The following CTNNA2 variants were observed in gnomAD, a reference collection of about 807,000 sequenced individuals.
CTNNA2 encodes catenin alpha-2.
In CTNNA2, 42 loss-of-function variants were observed where a neutral mutation model predicts 101.0. The observed-to-expected ratio is 0.42, with a 90% confidence interval of 0.32 to 0.54. The LOEUF (loss-of-function observed/expected upper bound fraction) is 0.54, where lower values mean the gene tolerates loss of function less well. Ranked by LOEUF, CTNNA2 falls within the 20% of genes least tolerant of loss-of-function variation. CTNNA2 has a pLI of 0.14. For synonymous variants in CTNNA2, 450 were observed against 456.4 expected (o/e 0.99, Z 0.18); for missense variants, 871 against 1,223.1 (o/e 0.71, Z 4.29).
intron 9 of CTNNA2, among the ~76,000 whole-genome samples, chr2:80,421,520 C>T (rs992213455): frequency 1.3e-5 from 2 of 152,210 alleles, no homozygotes; most frequent in Non-Finnish European, 2.9e-5. Flanking sequence ...CATCCACCCT[C>T]TCCCCTTATT....
intron 4 of CTNNA2, among the ~76,000 whole-genome samples, chr2:79,466,082 C>A (rs560848008): frequency 2.6e-5 from 4 of 152,160 alleles, no homozygotes; most frequent in Non-Finnish European, 4.4e-5. Flanking sequence ...CGAAGCAGGG[C>A]GAGGCATCGC....
chr2:80,552,083 A>G (rs556558945), intron 11 of CTNNA2, among the ~76,000 whole-genome samples: 21 of 152,290 alleles, frequency 1.4e-4, no homozygotes, highest in African/African-American at 5.1e-4. Context: ...AGCAGGCGGA[A>G]CACGCCCGAC....
chr2:79,232,679 T>C (rs1168248135), intron 2 of CTNNA2, among the ~76,000 whole-genome samples: 1 of 152,220 alleles, frequency 6.6e-6, no homozygotes. Context: ...GGGCTCCTTT[T>C]GGTTGGTAAG....
chr2:79,550,894 C>T (rs1327404108), intron 1 of CTNNA2, among the ~76,000 whole-genome samples: 1 of 152,160 alleles, frequency 6.6e-6, no homozygotes, highest in East Asian at 1.9e-4. Context: ...CTGTGCCCTT[C>T]CCACTATATC....
intron 7 of CTNNA2, among the ~76,000 whole-genome samples, chr2:80,009,125 A>G (rs423412): frequency 0.56 from 84,540 of 152,068 alleles, 25,797 homozygotes; most frequent in East Asian, 0.76. Context: ...AAAGGCAGGG[A>G]ACATCCCATG....
At chr2:79,646,674 A>G (rs1324510845) in intron 1 of CTNNA2, among the ~76,000 whole-genome samples, 2 of 151,492 alleles carry the variant, frequency 1.3e-5, no homozygotes, top group Non-Finnish European at 2.9e-5. Context: ...GGACTACAAT[A>G]TTGTGCCACC....
chr2:79,535,282 G>A (rs955531422), intron 1 of CTNNA2, among the ~76,000 whole-genome samples: 1 of 151,818 alleles, frequency 6.6e-6, no homozygotes, highest in Admixed American at 6.6e-5. Context: ...TTGGCTCACT[G>A]CAACCTCTGC....
chr2:80,137,922 A>G (rs982751304), intron 7 of CTNNA2, among the ~76,000 whole-genome samples: 1 of 152,128 alleles, frequency 6.6e-6, no homozygotes, highest in Non-Finnish European at 1.5e-5. Context: ...CCACCCCAGC[A>G]TGGCTTCATA....
chr2:79,628,838 G>T (rs755562493), intron 1 of CTNNA2, among the ~76,000 whole-genome samples: 2 of 152,116 alleles, frequency 1.3e-5, no homozygotes, highest in African/African-American at 2.4e-5. Context: ...CAGAAGCTTT[G>T]TCCTCTTTCC....
intron 2 of CTNNA2, among the ~76,000 whole-genome samples, chr2:79,303,932 G>A (rs753298261): frequency 3.9e-5 from 6 of 152,044 alleles, no homozygotes; most frequent in Non-Finnish European, 7.4e-5. Flanking sequence ...GAGATCCAGA[G>A]CATTACCCAT....
chr2:79,866,244 A>G lies in CTNNA2; in HGVS notation c.466-3572A>G, dbSNP rs1682088948. Among the ~76,000 whole-genome samples the G allele has an allele frequency of 3.3e-5, 5 of 152,360 alleles. 1 individual carries two copies. In the South Asian group the frequency reaches 1.0e-3, roughly 32 times the overall value. The stretch of plus-strand genomic sequence containing the variant: ...TGAAAAGAATTTCTTAACCCACTAA[A>G]TTGGGAATAAATTTTAGTGTCTTCT... On this transcript the variant is annotated intron_variant, in intron 4 of 18. Transcript: ENST00000402739.
intron 1 of CTNNA2, among the ~76,000 whole-genome samples, chr2:79,555,143 T>G (rs1276692798): frequency 6.6e-6 from 1 of 152,166 alleles, no homozygotes; most frequent in Non-Finnish European, 1.5e-5. Context: ...TTATGCAAAT[T>G]GAGATGCAGG....
intron 4 of CTNNA2, among the ~76,000 whole-genome samples, chr2:79,438,294 T>C (rs760772675): frequency 9.2e-5 from 14 of 152,120 alleles, no homozygotes; most frequent in Admixed American, 6.6e-4. Flanking sequence ...CTATGAACTG[T>C]CTCTGTCTTT....
chr2:79,301,790 T>A (rs950118515), intron 2 of CTNNA2, among the ~76,000 whole-genome samples: 3 of 152,060 alleles, frequency 2.0e-5, no homozygotes, highest in Non-Finnish European at 4.4e-5. Flanking sequence ...GACTTTCTCA[T>A]GAAATAAGAA....
chr2:79,859,868 A>G (rs542521055), intron 4 of CTNNA2, among the ~76,000 whole-genome samples: 1 of 152,280 alleles, frequency 6.6e-6, no homozygotes, highest in Non-Finnish European at 1.5e-5. Context: ...GATAAATCTC[A>G]GATATCTCAT....
At chr2:79,833,157 G>A (rs2974167) in intron 3 of CTNNA2, among the ~76,000 whole-genome samples, 54,791 of 152,046 alleles carry the variant, frequency 0.36, 11,341 homozygotes, top group East Asian at 0.56. Flanking sequence ...ATTCCAATTC[G>A]TTGGGGTTTC....
intron 7 of CTNNA2, among the ~76,000 whole-genome samples, chr2:80,079,864 AAATAAAATAAAATAAAAT>A (rs1263000138): frequency 7.1e-5 from 8 of 113,190 alleles, no homozygotes; most frequent in Non-Finnish European, 1.2e-4. Context: ...AAATAAAATA[AAATAAAATAAAATAAAAT>A]AATAAAATAA....
At position 80,647,973 on chromosome 2, in the gene CTNNA2, G is replaced by T; in HGVS notation, c.*101G>T. ...CATACCTGCCAGCTCGTATGCCTCT[G>T]GCATGGGGAAATTAAGGGAACAGTG... is the stretch of plus-strand genomic sequence containing the variant. On this transcript the variant is annotated 3_prime_UTR_variant, in exon 19 of 19. Transcript: ENST00000402739. 8.8e-7 allele frequency: 1 copy of T among 1,139,746 alleles called. No homozygotes were observed. 70.6% of individuals were successfully genotyped at this position (1,139,746 alleles called of 1,614,324 possible).
intron 4 of CTNNA2, among the ~76,000 whole-genome samples, chr2:79,470,438 G>A (rs1257795613): frequency 1.3e-5 from 2 of 152,162 alleles, no homozygotes; most frequent in African/African-American, 4.8e-5. Flanking sequence ...GGCAAGAAGG[G>A]ATATTACAAA....
Sources: gnomAD v4.1 joint callset for allele counts (sites outside exome capture counted in the v4.1 genomes callset) on GRCh38, gnomAD v4.1.1 for gene constraint, MANE v1.5 for transcripts, NCBI Gene and HGNC (gene_info 2026-07-23, HGNC 2026-07-21) for gene names.